Variants in TIGAR observed in about 807,000 individuals in gnomAD.
TIGAR encodes the protein fructose-2,6-bisphosphatase TIGAR.
In TIGAR, 7 loss-of-function variants were observed where a neutral mutation model predicts 17.9. The observed-to-expected ratio is 0.39, with a 90% CI of 0.22 to 0.73. The LOEUF (loss-of-function observed/expected upper bound fraction) is 0.73, where lower values mean the gene tolerates loss of function less well. TIGAR is among the 30% of genes least tolerant of loss of function. TIGAR has a pLI of 0.42. For missense variants in TIGAR, 258 were observed against 327.4 expected (o/e 0.79, Z 1.64); for synonymous variants, 94 against 108.6 (o/e 0.87, Z 0.84).
intron 4 of TIGAR, 68 bp from the exon 5 acceptor site, chr12:4,351,199 A>G (rs1864834282): frequency 6.9e-7 from 1 of 1,459,072 alleles, no homozygotes; most frequent in Non-Finnish European, 9.6e-7. Context: ...TAAATTTGCC[A>G]TAAACATAAA....
chr12:4,348,573 TC>T (rs1258540410), intron 3 of TIGAR, among the ~76,000 whole-genome samples: 1 of 152,158 alleles, frequency 6.6e-6, no homozygotes, highest in African/African-American at 2.4e-5. Flanking sequence ...ACAAAGAGAT[TC>T]TGAAGTAACT....
Position 4,358,287 on chromosome 12 carries a change from CAAA to C in TIGAR, c.*5609_*5611del, listed in dbSNP as rs1203284222. Among the ~76,000 whole-genome samples, 3 of 109,642 alleles carry C rather than the reference CAAA, an allele frequency of 2.7e-5. No homozygotes were observed. The highest frequency in any genetic ancestry group is 9.1e-5 in the Admixed American group (1 of 10,966). The allele number at this position is 109,642 out of a possible 152,430, so 71.9% of individuals were successfully genotyped here. A position where few individuals can be genotyped will look rare whatever the true frequency, so the allele number is the denominator to read the frequency against. ...AATACAAAAATTAGCTGGGCGTCTC[CAAA>C]AAAAAAAAAAAAGAAAAAGAAAAAT... On this transcript the variant is annotated 3_prime_UTR_variant, in exon 6 of 6. Transcript: ENST00000179259.
At chr12:4,348,244 G>A (rs1005583145) in intron 3 of TIGAR, among the ~76,000 whole-genome samples, 4 of 152,124 alleles carry the variant, frequency 2.6e-5, no homozygotes, top group African/African-American at 9.7e-5. Flanking sequence ...AGAGAGAATG[G>A]GAGGAAGAGG....
At position 4,354,931 on chromosome 12, in the gene TIGAR, A is replaced by C. The variant is rs1301310262; in HGVS notation, c.*2240A>C. On this transcript the variant is annotated 3_prime_UTR_variant, in exon 6 of 6. Coordinates refer to ENST00000179259, the MANE Select transcript of TIGAR (RefSeq NM_020375.3). ...TTTTTAGTAGAGACGGGGTTTCGCC[A>C]TGTTGGCCAGGCTGGTCTTGAACTT... 2.0e-5 allele frequency among the ~76,000 whole-genome samples: 3 copies of C among 147,876 alleles called. No homozygotes were observed. The highest frequency in any genetic ancestry group is 1.3e-4 in the Admixed American group (2 of 14,836).
In TIGAR at chr12:4,346,251, T is replaced by A. The variant is rs190230453; in HGVS notation, c.193-3568T>A. On this transcript the variant is annotated intron_variant, in intron 3 of 5. Coordinates refer to ENST00000179259, the MANE Select transcript of TIGAR (RefSeq NM_020375.3). The stretch of plus-strand genomic sequence containing the variant: ...TACCATTTGACCCAGCCATCCCATT[T>A]CTGGGTATATACCCAAAGGATTATA... 6.0e-3 allele frequency among the ~76,000 whole-genome samples: 917 copies of A among 152,302 alleles called. 8 individuals are homozygous for A. Among genetic ancestry groups the A allele is most frequent in the African/African-American group, 0.021 (891 of 41,572 alleles).
chr12:4,330,913 AC>A (rs1864597103), intron 1 of TIGAR, among the ~76,000 whole-genome samples: 1 of 152,126 alleles, frequency 6.6e-6, no homozygotes, highest in Non-Finnish European at 1.5e-5. Context: ...ACTGACTCTC[AC>A]GTTTTTGTTC....
intron 2 of TIGAR, among the ~76,000 whole-genome samples, chr12:4,334,481 C>T (rs1286065061): frequency 6.6e-6 from 1 of 152,200 alleles, no homozygotes; most frequent in African/African-American, 2.4e-5. Flanking sequence ...TTTACTCTGA[C>T]AATACCTAAT....
At position 4,355,907 on chromosome 12, in the gene TIGAR, G is replaced by T. The variant is rs1864895545; in HGVS notation, c.*3216G>T. On this transcript the variant is annotated 3_prime_UTR_variant, in exon 6 of 6. Transcript: ENST00000179259. ...AGGAGCAGCATGGAAGGAGTAGAGT[G>T]CAGAGGCCATGAGGAAGGATCAGGC... Among the ~76,000 whole-genome samples, 1 of 152,208 alleles carries T rather than the reference G, an allele frequency of 6.6e-6. No individual in the cohort carries two copies. Among genetic ancestry groups the T allele is most frequent in the African/African-American group, 2.4e-5 (1 of 41,448 alleles).
At chr12:4,333,439 G>A (rs553377439) in intron 2 of TIGAR, among the ~76,000 whole-genome samples, 92 of 149,882 alleles carry the variant, frequency 6.1e-4, no homozygotes, top group Admixed American at 1.1e-3. Context: ...ACAGGTTCCC[G>A]GCACCACACC....
rs1016207431 is a variant in TIGAR, at chr12:4,355,865, TCTG to T, written c.*3180_*3182del. ...GGTGTCAGCACTGAAGGATGTAAGA[TCTG>T]CTGCTCTGGGGAGAGGAGCAGCATG... On this transcript the variant is annotated 3_prime_UTR_variant, in exon 6 of 6. Coordinates refer to ENST00000179259, the MANE Select transcript of TIGAR (RefSeq NM_020375.3). Among the ~76,000 whole-genome samples, 6 of 152,164 alleles carry T rather than the reference TCTG, an allele frequency of 3.9e-5. No homozygotes were observed. The highest frequency in any genetic ancestry group is 8.8e-5 in the Non-Finnish European group (6 of 68,022).
chr12:4,340,941 A>G (rs991890031), intron 3 of TIGAR, among the ~76,000 whole-genome samples: 3 of 152,202 alleles, frequency 2.0e-5, no homozygotes, highest in Non-Finnish European at 2.9e-5. Flanking sequence ...AACTACTACA[A>G]GAAAACATTG....
chr12:4,352,206 TTTAAGG>T, intron 5 of TIGAR, 48 bp from the exon 6 acceptor site: 1 of 1,493,092 alleles, frequency 6.7e-7, no homozygotes, highest in Non-Finnish European at 9.1e-7. Flanking sequence ...ATGTTAACGT[TTTAAGG>T]AAGTCATTAA....
At chr12:4,345,008 A>G (rs1218033034) in intron 3 of TIGAR, among the ~76,000 whole-genome samples, 2 of 152,226 alleles carry the variant, frequency 1.3e-5, no homozygotes, top group Non-Finnish European at 2.9e-5. Flanking sequence ...CCCATTCACA[A>G]TTGCTTCAAA....
Position 4,329,328 on chromosome 12 carries a change from CTTTTTTTTTT to C in TIGAR, c.33-1935_33-1926del, listed in dbSNP as rs34584528. Among the ~76,000 whole-genome samples, 348 of 73,288 alleles carry C rather than the reference CTTTTTTTTTT, an allele frequency of 4.7e-3. 2 individuals carry two copies. The Middle Eastern group carries it at 0.064, about 13-fold the overall frequency. 48.1% of individuals were successfully genotyped at this position (73,288 alleles called of 152,430 possible). On this transcript the variant is annotated intron_variant, in intron 1 of 5. Coordinates refer to ENST00000179259, the MANE Select transcript of TIGAR (RefSeq NM_020375.3). ...TAGAAATAATACTGTAGCTAATGAT[CTTTTTTTTTT>C]TTTTTTTTTTTTTTTTGTGAGACAG...
rs536320135 is a variant in TIGAR, at chr12:4,330,372, T to C, written c.33-908T>C. On this transcript the variant is annotated intron_variant, in intron 1 of 5. Transcript: ENST00000179259. ...TCTTGTTGAGGGTGGTACACCACAC[T>C]ACAGGGTGGTGTAACCTGCTATGAC... Among the ~76,000 whole-genome samples, 4 of 152,326 alleles carry C rather than the reference T, an allele frequency of 2.6e-5. No homozygotes were observed. The East Asian group carries it at 5.8e-4, about 22-fold the overall frequency.
chr12:4,340,687 TA>T (rs1864709835), intron 3 of TIGAR, among the ~76,000 whole-genome samples: 1 of 152,128 alleles, frequency 6.6e-6, no homozygotes, highest in South Asian at 2.1e-4. Context: ...GGTACTGACA[TA>T]AAAACAGACA....
chr12:4,358,535 G>A lies in TIGAR; in HGVS notation c.*5844G>A, dbSNP rs1244119836. ...TCCCTCTGTTTTCCCCTGAAACATT[G>A]GAGAGTAACTTTGAGTCCTCATACT... On this transcript the variant is annotated 3_prime_UTR_variant, in exon 6 of 6. Transcript: ENST00000179259. Among the ~76,000 whole-genome samples the A allele has an allele frequency of 2.6e-5, 4 of 152,032 alleles. No individual in the cohort carries two copies. Among genetic ancestry groups the A allele is most frequent in the African/African-American group, 7.3e-5 (3 of 41,354 alleles).
chr12:4,330,121 G>A (rs1309208700), intron 1 of TIGAR, among the ~76,000 whole-genome samples: 2 of 152,052 alleles, frequency 1.3e-5, no homozygotes, highest in Admixed American at 1.3e-4. Flanking sequence ...TCCAGGATGA[G>A]GCCTGAGTTT....
chr12:4,346,699 A>G (rs573015072), intron 3 of TIGAR, among the ~76,000 whole-genome samples: 11 of 152,300 alleles, frequency 7.2e-5, no homozygotes, highest in African/African-American at 2.6e-4. Context: ...GCACATGTAT[A>G]CATATGTAAC....
Sources: allele counts gnomAD v4.1 joint callset (sites outside exome capture counted in the v4.1 genomes callset), GRCh38; gene constraint gnomAD v4.1.1; transcripts MANE v1.5; gene names NCBI Gene and HGNC (gene_info 2026-07-23, HGNC 2026-07-21).